Variants in EPHA6 observed in about 807,000 individuals in gnomAD.
EPHA6 encodes the protein EPH receptor A6.
EPHA6 carries 50 observed loss-of-function variants against 112.0 expected under a neutral mutation model. That is an observed-to-expected ratio of 0.45 (90% CI 0.36 to 0.56). The LOEUF (loss-of-function observed/expected upper bound fraction) is 0.56, where lower values mean the gene tolerates loss of function less well. EPHA6 is among the 20% of genes least tolerant of loss of function. EPHA6 has a pLI of 0.00. For synonymous variants in EPHA6, 529 were observed against 490.7 expected (o/e 1.08, Z -1.03); for missense variants, 1,280 against 1,417.4 (o/e 0.90, Z 1.56).
intron 10 of EPHA6, among the ~76,000 whole-genome samples, chr3:97,523,791 A>G (rs1317052953): frequency 2.0e-5 from 3 of 151,958 alleles, no homozygotes; most frequent in African/African-American, 7.2e-5. Flanking sequence ...CCCTTTTGTT[A>G]TTATATAATG....
chr3:97,203,247 G>T (rs2077626523), intron 3 of EPHA6, among the ~76,000 whole-genome samples: 1 of 152,118 alleles, frequency 6.6e-6, no homozygotes, highest in Non-Finnish European at 1.5e-5. Flanking sequence ...AAAGTAGAAA[G>T]AGTCATTGGG....
intron 3 of EPHA6, among the ~76,000 whole-genome samples, chr3:97,139,347 A>G (rs1266759014): frequency 6.6e-6 from 1 of 152,178 alleles, no homozygotes; most frequent in Non-Finnish European, 1.5e-5. Flanking sequence ...ACACCATTGT[A>G]TAGCACTAAG....
chr3:97,105,527 A>G (rs2047540109), intron 3 of EPHA6, among the ~76,000 whole-genome samples: 1 of 152,096 alleles, frequency 6.6e-6, no homozygotes, highest in African/African-American at 2.4e-5. Flanking sequence ...TGTTTGGTAC[A>G]ATTTCAGTTC....
At chr3:97,458,125 T>G (rs2090761902) in intron 7 of EPHA6, among the ~76,000 whole-genome samples, 1 of 151,336 alleles carries the variant, frequency 6.6e-6, no homozygotes. Context: ...CACTTTACTT[T>G]TTCAAGGGAA....
chr3:97,663,255 G>A (rs1576233445), intron 14 of EPHA6, among the ~76,000 whole-genome samples: 2 of 151,964 alleles, frequency 1.3e-5, no homozygotes, highest in African/African-American at 4.8e-5. Flanking sequence ...GCATCAGATT[G>A]GTGTTTATGT....
At chr3:97,221,261 G>C (rs2078187027) in intron 3 of EPHA6, among the ~76,000 whole-genome samples, 1 of 118,238 alleles carries the variant, frequency 8.5e-6, no homozygotes, top group African/African-American at 3.3e-5. Context: ...GGTGAGCCGA[G>C]ATCCTGCCAC....
chr3:97,346,667 A>T (rs1191616864), intron 5 of EPHA6, among the ~76,000 whole-genome samples: 6 of 145,712 alleles, frequency 4.1e-5, no homozygotes, highest in Non-Finnish European at 9.2e-5. Flanking sequence ...CAGATGTTCA[A>T]TTTTTTTTTT....
intron 16 of EPHA6, among the ~76,000 whole-genome samples, chr3:97,742,012 AG>A (rs1195162336): frequency 6.6e-6 from 1 of 152,152 alleles, no homozygotes; most frequent in Admixed American, 6.6e-5. Context: ...TACTTGAAAA[AG>A]GAAAGTAGTA....
At chr3:97,378,286 T>C (rs532311512) in intron 5 of EPHA6, among the ~76,000 whole-genome samples, 1 of 152,146 alleles carries the variant, frequency 6.6e-6, no homozygotes, top group African/African-American at 2.4e-5. Flanking sequence ...GTGCACAGAG[T>C]CAAGAATTGG....
At chr3:97,006,507 G>T (rs967963918) in intron 3 of EPHA6, among the ~76,000 whole-genome samples, 2 of 151,120 alleles carry the variant, frequency 1.3e-5, no homozygotes, top group African/African-American at 4.9e-5. Flanking sequence ...CTTCTTCTTT[G>T]CTAGTCTGGC....
intron 3 of EPHA6, among the ~76,000 whole-genome samples, chr3:97,018,421 A>G (rs2044338492): frequency 6.6e-6 from 1 of 152,054 alleles, no homozygotes; most frequent in African/African-American, 2.4e-5. Context: ...GCCAGGCTGC[A>G]CTGATATTTA....
chr3:97,212,153 C>G (rs1369137203), intron 3 of EPHA6, among the ~76,000 whole-genome samples: 1 of 151,868 alleles, frequency 6.6e-6, no homozygotes, highest in African/African-American at 2.4e-5. Context: ...AATAGTGAAA[C>G]AAGAATAAGA....
chr3:96,818,501 C>T (rs1553711362), intron 1 of EPHA6, among the ~76,000 whole-genome samples: 1 of 151,932 alleles, frequency 6.6e-6, no homozygotes, highest in Non-Finnish European at 1.5e-5. Context: ...AATAGTGTGG[C>T]TGGTTGATTT....
chr3:96,980,272 C>T (rs1328543635), intron 2 of EPHA6, among the ~76,000 whole-genome samples: 3 of 152,178 alleles, frequency 2.0e-5, no homozygotes, highest in African/African-American at 7.2e-5. Context: ...CTACCTATGG[C>T]TAGCCAGTTT....
chr3:97,704,041 T>C (rs541291397), intron 14 of EPHA6, among the ~76,000 whole-genome samples: 1 of 152,208 alleles, frequency 6.6e-6, no homozygotes, highest in East Asian at 1.9e-4. Flanking sequence ...GACTAAATTA[T>C]ATAAAACATA....
chr3:97,720,345 G>C lies in EPHA6; in HGVS notation c.2869G>C (p.Gly957Arg). The C allele has an allele frequency of 6.2e-7, 1 of 1,611,688 alleles. No homozygotes were observed. The highest frequency in any genetic ancestry group is 8.5e-7 in the Non-Finnish European group (1 of 1,179,016). Residue 957 changes from glycine to arginine, a missense_variant, in exon 15 of 18, where the codon GGC becomes CGC. Physicochemically the swap from Gly to Arg is moderately radical, Grantham distance 125 (BLOSUM62 -2). Transcript: ENST00000389672. ...FSSASDAWSY[G>R]IVMWEVMSYG... is the part of the protein sequence containing the mutation. ...CTCAGCAAGCGATGCATGGAGCTAT[G>C]GCATTGTCATGTGGGAGGTCATGTC...
At chr3:97,121,399 T>A (rs1162089719) in intron 3 of EPHA6, among the ~76,000 whole-genome samples, 1 of 152,038 alleles carries the variant, frequency 6.6e-6, no homozygotes, top group Non-Finnish European at 1.5e-5. Flanking sequence ...TAATCTTATA[T>A]GTAGGTGGAA....
chr3:97,405,984 A>G (rs1018436996), intron 6 of EPHA6, among the ~76,000 whole-genome samples: 3 of 152,100 alleles, frequency 2.0e-5, no homozygotes, highest in African/African-American at 7.2e-5. Flanking sequence ...AGCAGACCAC[A>G]TAGTCAATTC....
At chr3:96,916,337 C>T (rs2039481005) in intron 2 of EPHA6, among the ~76,000 whole-genome samples, 1 of 152,082 alleles carries the variant, frequency 6.6e-6, no homozygotes, top group East Asian at 1.9e-4. Flanking sequence ...TGACAGTTCT[C>T]GTAATTATCT....
Sources: allele counts gnomAD v4.1 joint callset (sites outside exome capture counted in the v4.1 genomes callset), GRCh38; gene constraint gnomAD v4.1.1; transcripts MANE v1.5; gene names NCBI Gene and HGNC (gene_info 2026-07-23, HGNC 2026-07-21).